The following ANOS1 variants were observed in gnomAD, a reference collection of about 807,000 sequenced individuals.
ANOS1 encodes anosmin 1, also known as anosmin-1.
Under a neutral mutation model 59.0 loss-of-function variants are expected in ANOS1, and 6 were observed. The ratio of observed to expected loss-of-function variants is 0.10; its 90% CI spans 0.06 to 0.20. The LOEUF is 0.20. Among genes scored for constraint, ANOS1 ranks in the 10% least tolerant of loss-of-function variants. The pLI is 1.00. For synonymous variants in ANOS1, 217 were observed against 223.4 expected (o/e 0.97, Z 0.25); for missense variants, 433 against 542.3 (o/e 0.80, Z 2.00).
At chrX:8,543,355 C>T (rs750792434) in intron 9 of ANOS1, among the ~76,000 whole-genome samples, 3 of 107,588 alleles carry the variant, frequency 2.8e-5, no homozygotes, top group African/African-American at 1.0e-4. Flanking sequence ...GTAAATGGCA[C>T]CCCCAAATGA....
chrX:8,608,510 A>G (rs1380140815), intron 3 of ANOS1, among the ~76,000 whole-genome samples: 1 of 111,835 alleles, frequency 8.9e-6, no homozygotes, highest in Non-Finnish European at 1.9e-5. Flanking sequence ...AAAAAATCTC[A>G]TATTTTACCT....
At chrX:8,667,407 T>A (rs934114380) in intron 2 of ANOS1, among the ~76,000 whole-genome samples, 18 of 111,243 alleles carry the variant, frequency 1.6e-4, no homozygotes, top group African/African-American at 5.6e-4. Context: ...GCAACCCTCC[T>A]GCTTCAGCCT....
chrX:8,586,857 T>C (rs1345114511), intron 5 of ANOS1, among the ~76,000 whole-genome samples: 2 of 109,306 alleles, frequency 1.8e-5, no homozygotes, highest in Admixed American at 9.9e-5. Flanking sequence ...GGTCTTTACA[T>C]TGTTTTATTT....
chrX:8,535,909 G>A, intron 11 of ANOS1, 98 bp from the exon 12 acceptor site: 2 of 638,921 alleles, frequency 3.1e-6, no homozygotes, highest in Non-Finnish European at 5.2e-6. Flanking sequence ...TCTATGGGAT[G>A]ATATTAATAG....
chrX:8,587,338 AGTAATTTTGT>A (rs1259898188), intron 5 of ANOS1, among the ~76,000 whole-genome samples: 21 of 111,691 alleles, frequency 1.9e-4, no homozygotes, highest in Non-Finnish European at 3.6e-4. Context: ...TGTCCCACTA[AGTAATTTTGT>A]GATACAAATC....
chrX:8,575,365 G>A (rs1569053190), intron 6 of ANOS1, among the ~76,000 whole-genome samples: 1 of 111,768 alleles, frequency 8.9e-6, no homozygotes, highest in African/African-American at 3.3e-5. Flanking sequence ...TCGTGTTCTC[G>A]GCAATGCACC....
intron 3 of ANOS1, among the ~76,000 whole-genome samples, chrX:8,605,120 T>C (rs1244257816): frequency 1.8e-5 from 2 of 112,091 alleles, no homozygotes; most frequent in Non-Finnish European, 3.8e-5. Context: ...ACAATTTCCA[T>C]TAAATGTGTC....
At chrX:8,602,841 C>T (rs998473057) in intron 3 of ANOS1, among the ~76,000 whole-genome samples, 1 of 110,854 alleles carries the variant, frequency 9.0e-6, no homozygotes, top group Admixed American at 9.7e-5. Context: ...CTGGCTCAAG[C>T]GATTCCCCTG....
intron 1 of ANOS1, among the ~76,000 whole-genome samples, chrX:8,717,738 C>T (rs1034623343): frequency 8.9e-5 from 10 of 112,064 alleles, no homozygotes; most frequent in Admixed American, 8.5e-4. Flanking sequence ...TGACCTGGCA[C>T]AGTGGCTCAC....
At chrX:8,585,692 A>G (rs936557268) in intron 5 of ANOS1, among the ~76,000 whole-genome samples, 18 of 112,555 alleles carry the variant, frequency 1.6e-4, no homozygotes, top group African/African-American at 5.5e-4. Flanking sequence ...CAATCAATAG[A>G]GAATATTTAT....
chrX:8,554,542 G>GTTTTGTTTT (rs1929911767), intron 8 of ANOS1, among the ~76,000 whole-genome samples: 1 of 50,830 alleles, frequency 2.0e-5, no homozygotes, highest in African/African-American at 8.3e-5. Context: ...GGCTACAGGA[G>GTTTTGTTTT]TTTTTTTTTT....
chrX:8,548,377 C>T (rs746063513), intron 9 of ANOS1, among the ~76,000 whole-genome samples: 7 of 112,345 alleles, frequency 6.2e-5, no homozygotes, highest in African/African-American at 2.3e-4. Context: ...AGATTCCAAA[C>T]TGTTTGGGAG....
chrX:8,652,731 T>A (rs181401362), intron 2 of ANOS1, among the ~76,000 whole-genome samples: 20 of 112,049 alleles, frequency 1.8e-4, no homozygotes, highest in Admixed American at 1.7e-3. Context: ...GGATAGCATC[T>A]CACCAAAGCA....
chrX:8,620,916 G>A (rs1330665946), intron 3 of ANOS1, among the ~76,000 whole-genome samples: 1 of 112,156 alleles, frequency 8.9e-6, no homozygotes, highest in African/African-American at 3.2e-5. Flanking sequence ...GGCAATTACA[G>A]AAACCTGCTC....
chrX:8,709,924 T>C (rs940075888), intron 1 of ANOS1, among the ~76,000 whole-genome samples: 18 of 110,934 alleles, frequency 1.6e-4, no homozygotes, highest in African/African-American at 5.9e-4. Context: ...ATTTGTGTTA[T>C]CTTATAATTT....
Position 8,597,270 on chromosome X carries a change from G to A in ANOS1, c.319-14C>T, listed in dbSNP as rs1204607107. 5.1e-6 allele frequency: 6 copies of A among 1,173,765 alleles called. No homozygotes were observed. In the Admixed American group the frequency reaches 8.9e-5, roughly 17 times the overall value. ...GGGGAAGAGAGGCTAAGTCAAAGAA[G>A]AATTTTAAAAAATATTCCATTAAAG... On this transcript the variant is annotated splice_polypyrimidine_tract_variant and intron_variant, in intron 3 of 13. Transcript: ENST00000262648.
chrX:8,616,125 G>T (rs1181685916), intron 3 of ANOS1, among the ~76,000 whole-genome samples: 1 of 109,191 alleles, frequency 9.2e-6, no homozygotes, highest in East Asian at 2.9e-4. Context: ...TGAAATTCAT[G>T]CCAATTAGGC....
At chrX:8,561,453 C>A (rs966615391) in intron 8 of ANOS1, among the ~76,000 whole-genome samples, 7 of 99,000 alleles carry the variant, frequency 7.1e-5, no homozygotes, top group African/African-American at 2.6e-4. Context: ...GCGCTCACCA[C>A]CATGCCCGGC....
intron 4 of ANOS1, among the ~76,000 whole-genome samples, chrX:8,594,681 T>TAC (rs1930690564): frequency 1.7e-5 from 1 of 60,390 alleles, no homozygotes; most frequent in Non-Finnish European, 2.9e-5. Context: ...TATATATATA[T>TAC]ATATATATAT....
Sources: gnomAD v4.1 joint callset for allele counts (sites outside exome capture counted in the v4.1 genomes callset) on GRCh38, gnomAD v4.1.1 for gene constraint, MANE v1.5 for transcripts, NCBI Gene and HGNC (gene_info 2026-07-23, HGNC 2026-07-21) for gene names.